The following MKS1 variants were observed in gnomAD, a reference collection of about 807,000 sequenced individuals.
MKS1 encodes the protein tectonic-like complex member MKS1.
In MKS1, 70 loss-of-function variants were observed where a neutral mutation model predicts 83.7. That is an observed-to-expected ratio of 0.84 (90% confidence interval 0.69 to 1.02). The LOEUF (loss-of-function observed/expected upper bound fraction) is 1.02, where lower values mean the gene tolerates loss of function less well. Among genes scored for constraint, MKS1 ranks in the 50% least tolerant of loss-of-function variants. MKS1 has a pLI of 0.00. For missense variants in MKS1, 681 were observed against 726.9 expected (o/e 0.94, Z 0.73); for synonymous variants, 251 against 273.4 (o/e 0.92, Z 0.81).
intron 12 of MKS1, 51 bp from the exon 13 acceptor site, chr17:58,208,225 C>T (rs1968650166): frequency 6.8e-7 from 1 of 1,474,618 alleles, no homozygotes; most frequent in African/African-American, 1.4e-5. Flanking sequence ...GGAATCTGTT[C>T]TCCTTGTGGC....
intron 2 of MKS1, 132 bp from the exon 3 acceptor site, chr17:58,216,868 A>T: frequency 1.2e-6 from 1 of 869,314 alleles, no homozygotes; most frequent in Non-Finnish European, 1.9e-6. Flanking sequence ...CAATTTAGTA[A>T]GCACTCAACC....
intron 4 of MKS1, chr17:58,215,831 C>G (rs1969161462): frequency 4.1e-6 from 2 of 485,068 alleles, no homozygotes; most frequent in Non-Finnish European, 7.6e-6. Context: ...AGTATGCACT[C>G]TGCAAGCATA....
At chr17:58,207,743 G>A in intron 14 of MKS1, 151 bp downstream of exon 14, 1 of 767,984 alleles carries the variant, frequency 1.3e-6, no homozygotes, top group Middle Eastern at 3.5e-4. Flanking sequence ...ATGGAGGGGG[G>A]CAGAAAGTCC....
chr17:58,206,186 A>T lies in MKS1; in HGVS notation c.1589-16T>A, dbSNP rs1199564536. The T allele has an allele frequency of 9.3e-6, 15 of 1,613,918 alleles. No individual in the cohort carries two copies. In the East Asian group the frequency reaches 3.3e-4, roughly 36 times the overall value. ...CGGAAGGCCTCTGTAAGGAAAGGAG[A>T]TATGCTATTTGGCTGCCATATGGTA... On this transcript the variant is annotated splice_polypyrimidine_tract_variant and intron_variant, in intron 17 of 17. Transcript: ENST00000393119.
intron 7 of MKS1, 108 bp from the exon 8 acceptor site, chr17:58,213,198 G>A (rs1271181771): frequency 9.9e-7 from 1 of 1,015,206 alleles, no homozygotes; most frequent in African/African-American, 1.6e-5. Flanking sequence ...CCTCACTAAA[G>A]TATATGATGA....
rs772818256 is a variant in MKS1, at chr17:58,207,898, A to G, written c.1269T>C (p.Thr423=). 1.9e-6 allele frequency: 3 copies of G among 1,613,590 alleles called. No individual in the cohort carries two copies. Among genetic ancestry groups the G allele is most frequent in the Non-Finnish European group, 2.5e-6 (3 of 1,179,622 alleles). Residue 423 remains threonine, a synonymous_variant, in exon 14 of 18, where the codon ACT becomes ACC. Transcript: ENST00000393119. ...EGYGAVVLPA[T]PGSHTLTVST... ...AGGGCAGAGACGAGCGGTTACCTGGAGTGGCAGGCAGCACCACAGCCCCAT... is the reference window on the plus strand; with the variant it reads ...AGGGCAGAGACGAGCGGTTACCTGGGGTGGCAGGCAGCACCACAGCCCCAT...
At position 58,214,229 on chromosome 17, in the gene MKS1, T is replaced by C. The variant is rs767703293; in HGVS notation, c.644+30A>G. 1.2e-5 allele frequency: 19 copies of C among 1,613,926 alleles called. No individual in the cohort carries two copies. In the East Asian group the frequency reaches 3.8e-4, roughly 32 times the overall value. On this transcript the variant is annotated intron_variant, in intron 6 of 17. Coordinates refer to ENST00000393119, the MANE Select transcript of MKS1 (RefSeq NM_017777.4). Reference sequence around the variant, plus strand: ...TGGTGAGAGGAGAAAAGGATGAGGCTCTAAGCTGGCAGTGAGAAGCGCCAC... The same window carrying C: ...TGGTGAGAGGAGAAAAGGATGAGGCCCTAAGCTGGCAGTGAGAAGCGCCAC...
At chr17:58,212,913 T>A in intron 8 of MKS1, 69 bp downstream of exon 8, 1 of 1,494,102 alleles carries the variant, frequency 6.7e-7, no homozygotes, top group South Asian at 1.1e-5. Context: ...TGACATCAAG[T>A]TCAGAAATGG....
chr17:58,219,005 G>C, intron 1 of MKS1, 146 bp downstream of exon 1: 1 of 1,192,844 alleles, frequency 8.4e-7, no homozygotes, highest in Non-Finnish European at 1.2e-6. Flanking sequence ...GAGTGGATGG[G>C]GGTACGGATA....
chr17:58,205,867 G>C lies in MKS1; in HGVS notation c.*212C>G, dbSNP rs1968472076. 7.0e-7 allele frequency: 1 copy of C among 1,431,950 alleles called. No individual in the cohort carries two copies. Among genetic ancestry groups the C allele is most frequent in the African/African-American group, 1.4e-5 (1 of 69,652 alleles). The allele number at this position is 1,431,950 out of a possible 1,614,324, so 88.7% of individuals were successfully genotyped here. A position where few individuals can be genotyped will look rare whatever the true frequency, so the allele number is the denominator to read the frequency against. ...TTGACAGTGGCTGCAAATATAAAGGGGGGGCCACAGGGTCTCTGGCTTTAT... is the reference window on the plus strand; with the variant it reads ...TTGACAGTGGCTGCAAATATAAAGGCGGGGCCACAGGGTCTCTGGCTTTAT... On this transcript the variant is annotated 3_prime_UTR_variant, in exon 18 of 18. Coordinates refer to ENST00000393119, the MANE Select transcript of MKS1 (RefSeq NM_017777.4).
At chr17:58,210,255 G>A (rs57503851) in intron 11 of MKS1, among the ~76,000 whole-genome samples, 6,262 of 152,242 alleles carry the variant, frequency 0.041, 439 homozygotes, top group African/African-American at 0.14. Flanking sequence ...CGTATTGATG[G>A]TATTTAAGCC....
At chr17:58,206,441 G>A (rs2143736965) in intron 16 of MKS1, 24 bp downstream of exon 16, 1 of 1,614,058 alleles carries the variant, frequency 6.2e-7, no homozygotes, top group Non-Finnish European at 8.5e-7. Flanking sequence ...AAGGTGCCCT[G>A]AGGCAGAGGG....
intron 7 of MKS1, 43 bp from the exon 8 acceptor site, chr17:58,213,133 G>A (rs776482301): frequency 1.3e-6 from 2 of 1,583,814 alleles, no homozygotes; most frequent in Non-Finnish European, 1.7e-6. Context: ...CTAATAATGA[G>A]AGATGGGCCC....
At position 58,205,453 on chromosome 17, in the gene MKS1, G is replaced by T; in HGVS notation, c.*626C>A. On this transcript the variant is annotated 3_prime_UTR_variant, in exon 18 of 18. Coordinates refer to ENST00000393119, the MANE Select transcript of MKS1 (RefSeq NM_017777.4). ...AACAGAACATCAGTCAAAATAAAAG[G>T]GGTTTATGTAACAAAAAACAAAAAA... The T allele has an allele frequency of 2.5e-6, 3 of 1,220,932 alleles. No homozygotes were observed. Among genetic ancestry groups the T allele is most frequent in the Non-Finnish European group, 3.2e-6 (3 of 948,304 alleles). 75.6% of individuals were successfully genotyped at this position (1,220,932 alleles called of 1,614,324 possible).
At chr17:58,218,447 CAAAAAAAAAAAAAAAAAAAAA>C (rs67834721) in intron 2 of MKS1, 152 bp downstream of exon 2, 2 of 239,376 alleles carry the variant, frequency 8.4e-6, no homozygotes, top group Non-Finnish European at 7.5e-6. Flanking sequence ...GACTCCGTCT[CAAAAAAAAAAAAAAAAAAAAA>C]AAAAAAAAAA....
At position 58,219,175 on chromosome 17, in the gene MKS1, T is replaced by TCCCGG. The variant is rs386834051; in HGVS notation, c.51_55dup (p.Asp19AlafsTer36). On this transcript the variant is annotated frameshift_variant, in exon 1 of 18. Coordinates refer to ENST00000393119, the MANE Select transcript of MKS1 (RefSeq NM_017777.4). LOFTEE classifies it high-confidence loss of function. ...CCGGAGGCGCAAGTTGCGCACGGGG[T>TCCCGG]CCCGGGAGCGATACACTGCCTCCCC... is the stretch of plus-strand genomic sequence containing the variant. 4 of 1,551,172 alleles carry TCCCGG rather than the reference T, an allele frequency of 2.6e-6. No homozygotes were observed. The highest frequency in any genetic ancestry group is 3.5e-6 in the Non-Finnish European group (4 of 1,146,972).
Position 58,205,585 on chromosome 17 carries a change from A to G in MKS1, c.*494T>C. On this transcript the variant is annotated 3_prime_UTR_variant, in exon 18 of 18. Coordinates refer to ENST00000393119, the MANE Select transcript of MKS1 (RefSeq NM_017777.4). ...CAGAAATAACTCATATCTCAACCTC[A>G]GCAAGCCCCAAGCAGTAGAATGAGG... is the stretch of plus-strand genomic sequence containing the variant. 7.7e-7 allele frequency: 1 copy of G among 1,305,560 alleles called. No homozygotes were observed. The highest frequency in any genetic ancestry group is 1.0e-6 in the Non-Finnish European group (1 of 989,896). The allele number at this position is 1,305,560 out of a possible 1,614,324, so 80.9% of individuals were successfully genotyped here.
rs200531517 is a variant in MKS1 at position 58,213,842 on chromosome 17, G to A, written c.672C>T (p.Val224=). 1.3e-5 allele frequency: 21 copies of A among 1,613,854 alleles called. No homozygotes were observed. Among genetic ancestry groups the A allele is most frequent in the Non-Finnish European group, 1.8e-5 (21 of 1,179,940 alleles). The stretch of plus-strand genomic sequence containing the variant: ...TGCTATCCACCTTCAGAGTACACAG[G>A]ACATGTTCATACTTCTTATAGCCAA... The part of the protein sequence containing the change: ...KKLGYKKYEH[V]LCTLKVDSNG... The change falls in exon 7 of 18, where the codon GTC becomes GTT. Residue 224 remains valine, a synonymous_variant. Transcript: ENST00000393119.
chr17:58,216,568 T>C (rs2143822183), intron 3 of MKS1, 98 bp downstream of exon 3: 1 of 1,335,464 alleles, frequency 7.5e-7, no homozygotes, highest in Middle Eastern at 1.8e-4. Context: ...TATAAACTGT[T>C]ACAACCTGTC....
Sources: gnomAD v4.1 joint callset for allele counts (sites outside exome capture counted in the v4.1 genomes callset) on GRCh38, gnomAD v4.1.1 for gene constraint, MANE v1.5 for transcripts, NCBI Gene and HGNC (gene_info 2026-07-23, HGNC 2026-07-21) for gene names.